Variants in KCNIP4 observed in about 807,000 individuals in gnomAD.
KCNIP4 encodes the protein potassium voltage-gated channel interacting protein 4.
In KCNIP4, 12 loss-of-function variants were observed where a neutral mutation model predicts 34.0. The ratio of observed to expected loss-of-function variants is 0.35; its 90% CI spans 0.23 to 0.57. The LOEUF (loss-of-function observed/expected upper bound fraction) is 0.57, where lower values mean the gene tolerates loss of function less well. Among genes scored for constraint, KCNIP4 ranks in the 20% least tolerant of loss-of-function variants. The pLI is 0.83. For missense variants in KCNIP4, 238 were observed against 311.7 expected (o/e 0.76, Z 1.78); for synonymous variants, 124 against 102.2 (o/e 1.21, Z -1.29).
intron 1 of KCNIP4, among the ~76,000 whole-genome samples, chr4:21,442,140 A>G (rs974444819): frequency 1.3e-5 from 2 of 152,170 alleles, no homozygotes; most frequent in African/African-American, 2.4e-5. Context: ...CTGCACTACT[A>G]TCTTCACCTC....
At chr4:21,554,204 C>T (rs1156570671) in intron 1 of KCNIP4, among the ~76,000 whole-genome samples, 1 of 151,962 alleles carries the variant, frequency 6.6e-6, no homozygotes, top group Non-Finnish European at 1.5e-5. Context: ...ATATGGGGGA[C>T]ATGTGTTAGA....
intron 1 of KCNIP4, among the ~76,000 whole-genome samples, chr4:21,571,664 C>G (rs1343523151): frequency 6.6e-6 from 1 of 151,836 alleles, no homozygotes; most frequent in Non-Finnish European, 1.5e-5. Context: ...TAAATGAAAA[C>G]TCATCTGGCT....
chr4:21,757,135 G>A (rs535582734), intron 1 of KCNIP4, among the ~76,000 whole-genome samples: 1 of 24,148 alleles, frequency 4.1e-5, no homozygotes, highest in African/African-American at 1.9e-4. Context: ...AAGAAAGAAA[G>A]AAAGAAAGAA....
intron 1 of KCNIP4, among the ~76,000 whole-genome samples, chr4:20,890,868 T>C (rs964071151): frequency 3.9e-5 from 6 of 152,210 alleles, no homozygotes; most frequent in African/African-American, 1.2e-4. Flanking sequence ...TATCATCATC[T>C]TGATTGCTCC....
At chr4:21,886,237 T>C (rs1284760145) in intron 1 of KCNIP4, among the ~76,000 whole-genome samples, 1 of 152,140 alleles carries the variant, frequency 6.6e-6, no homozygotes, top group East Asian at 1.9e-4. Context: ...TATAAACTGA[T>C]TTATACAGCA....
intron 1 of KCNIP4, among the ~76,000 whole-genome samples, chr4:20,941,595 A>G (rs6832672): frequency 0.65 from 98,967 of 152,048 alleles, 32,946 homozygotes; most frequent in East Asian, 0.82. Flanking sequence ...AACCTGGTAA[A>G]TTTAAGACGG....
At chr4:21,345,447 T>C (rs74522637) in intron 1 of KCNIP4, among the ~76,000 whole-genome samples, 4,022 of 152,276 alleles carry the variant, frequency 0.026, 77 homozygotes, top group Non-Finnish European at 0.036. Flanking sequence ...TTGAGGTGAT[T>C]TGTTACATAG....
At position 20,729,745 on chromosome 4, in the gene KCNIP4, A is replaced by ACACTGATATTTTAAAAT. The variant is rs376197356; in HGVS notation, c.*320_*336dup. The ACACTGATATTTTAAAAT allele has an allele frequency of 3.9e-5, 8 of 203,412 alleles. No individual in the cohort carries two copies. The highest frequency in any genetic ancestry group is 1.8e-4 in the African/African-American group (8 of 43,562). 12.6% of individuals were successfully genotyped at this position (203,412 alleles called of 1,614,324 possible). ...AATACATACAAATGAGTAGCAAAAA[A>ACACTGATATTTTAAAAT]CACTGATATTTTAAAATCACTGATA... On this transcript the variant is annotated 3_prime_UTR_variant, in exon 9 of 9. Coordinates refer to ENST00000382152, the MANE Select transcript of KCNIP4 (RefSeq NM_025221.6).
At chr4:21,108,522 A>G (rs1413253906) in intron 1 of KCNIP4, among the ~76,000 whole-genome samples, 1 of 151,476 alleles carries the variant, frequency 6.6e-6, no homozygotes, top group Non-Finnish European at 1.5e-5. Context: ...AAAGTTTTTA[A>G]CTTCTTTGCC....
chr4:21,766,697 C>T (rs990714278), intron 1 of KCNIP4, among the ~76,000 whole-genome samples: 3 of 152,036 alleles, frequency 2.0e-5, no homozygotes, highest in Non-Finnish European at 4.4e-5. Flanking sequence ...ATTTTATATA[C>T]GAGGCAGGGA....
intron 1 of KCNIP4, among the ~76,000 whole-genome samples, chr4:21,828,183 A>T (rs970267601): frequency 6.6e-6 from 1 of 151,370 alleles, no homozygotes; most frequent in Admixed American, 6.6e-5. Flanking sequence ...TATTTTAAAA[A>T]ATCTAATAGA....
At chr4:21,468,805 C>T (rs561498083) in intron 1 of KCNIP4, among the ~76,000 whole-genome samples, 11 of 152,266 alleles carry the variant, frequency 7.2e-5, no homozygotes, top group South Asian at 4.1e-4. Flanking sequence ...AACCCTGTTT[C>T]GCTTTTTTGC....
At chr4:21,615,660 C>A (rs1194806860) in intron 1 of KCNIP4, among the ~76,000 whole-genome samples, 1 of 152,118 alleles carries the variant, frequency 6.6e-6, no homozygotes, top group Non-Finnish European at 1.5e-5. Context: ...AAATAAAGTA[C>A]ATCTCTAAAA....
chr4:21,028,160 T>C (rs191396874), intron 1 of KCNIP4, among the ~76,000 whole-genome samples: 10 of 151,890 alleles, frequency 6.6e-5, no homozygotes, highest in African/African-American at 2.4e-4. Flanking sequence ...AACCTCACCA[T>C]CTCTCCCCTC....
intron 1 of KCNIP4, among the ~76,000 whole-genome samples, chr4:21,007,796 TCTGA>T (rs2149727181): frequency 6.6e-6 from 1 of 152,326 alleles, no homozygotes; most frequent in Non-Finnish European, 1.5e-5. Context: ...TGAGAAGTAA[TCTGA>T]CTAAGAAACC....
chr4:20,970,283 A>G (rs1320077893), intron 1 of KCNIP4, among the ~76,000 whole-genome samples: 1 of 151,776 alleles, frequency 6.6e-6, no homozygotes, highest in South Asian at 2.1e-4. Context: ...TATTTTCTTC[A>G]TGTTTCTTTC....
chr4:21,692,752 G>A (rs920818824), intron 1 of KCNIP4, among the ~76,000 whole-genome samples: 2 of 150,516 alleles, frequency 1.3e-5, no homozygotes, highest in African/African-American at 4.9e-5. Flanking sequence ...GAGCATGCGG[G>A]CCAAGAGAAT....
At chr4:21,099,693 T>G (rs940923581) in intron 1 of KCNIP4, among the ~76,000 whole-genome samples, 2 of 152,194 alleles carry the variant, frequency 1.3e-5, no homozygotes, top group Non-Finnish European at 2.9e-5. Context: ...GTGAGTCCTC[T>G]GATGGATCTG....
intron 1 of KCNIP4, among the ~76,000 whole-genome samples, chr4:21,462,953 T>C (rs181190584): frequency 5.3e-5 from 8 of 152,158 alleles, no homozygotes; most frequent in Admixed American, 2.6e-4. Context: ...AACTTGACTA[T>C]TGTGAATAGT....
Sources: gnomAD v4.1 joint callset for allele counts (sites outside exome capture counted in the v4.1 genomes callset) on GRCh38, gnomAD v4.1.1 for gene constraint, MANE v1.5 for transcripts, NCBI Gene and HGNC (gene_info 2026-07-23, HGNC 2026-07-21) for gene names.